RIMS2: variants seen among roughly 807,000 people sequenced by gnomAD.
The protein encoded by RIMS2 is regulating synaptic membrane exocytosis protein 2.
Under a neutral mutation model 174.4 loss-of-function variants are expected in RIMS2, and 59 were observed. The ratio of observed to expected loss-of-function variants is 0.34; its 90% CI spans 0.27 to 0.42. The LOEUF (loss-of-function observed/expected upper bound fraction) is 0.42. RIMS2 is among the 10% of genes least tolerant of loss of function. The pLI is 1.00. For missense variants in RIMS2, 1,620 were observed against 1,666.3 expected, an observed-to-expected ratio of 0.97 and a Z score of 0.48; for synonymous variants, 606 against 572.5, an observed-to-expected ratio of 1.06 and a Z score of -0.84.
intron 17 of RIMS2, among the ~76,000 whole-genome samples, chr8:103,993,915 G>A (rs1046833088): frequency 1.3e-5 from 2 of 151,778 alleles, no homozygotes; most frequent in Non-Finnish European, 2.9e-5. Flanking sequence ...GTGTGGTGGT[G>A]TGCACCTTTT....
intron 19 of RIMS2, among the ~76,000 whole-genome samples, chr8:104,073,587 G>A (rs2097233864): frequency 6.6e-6 from 1 of 152,136 alleles, no homozygotes; most frequent in African/African-American, 2.4e-5. Context: ...GAATTAAGAA[G>A]CAGTATAATC....
chr8:104,094,759 A>G, intron 19 of RIMS2: 1 of 637,936 alleles, frequency 1.6e-6, no homozygotes, highest in Non-Finnish European at 2.8e-6. Context: ...GGCATTTCCC[A>G]TTAGTAATGT....
chr8:103,941,977 C>T (rs1353223489), intron 13 of RIMS2, among the ~76,000 whole-genome samples: 1 of 152,096 alleles, frequency 6.6e-6, no homozygotes, highest in Admixed American at 6.6e-5. Context: ...ACAGTAGGCA[C>T]TTCAATTGTA....
At chr8:103,501,509 C>T in intron 1 of RIMS2, 1 of 153,290 alleles carries the variant, frequency 6.5e-6, no homozygotes, top group Non-Finnish European at 1.5e-5. Context: ...GCAGGGGATG[C>T]GGACGCCACC....
chr8:103,566,372 T>G (rs1234174596), intron 1 of RIMS2, among the ~76,000 whole-genome samples: 1 of 152,184 alleles, frequency 6.6e-6, no homozygotes, highest in Non-Finnish European at 1.5e-5. Flanking sequence ...GCTCTCTTTC[T>G]CAGTTGTTTC....
At chr8:104,136,353 T>C (rs1474508615) in intron 19 of RIMS2, among the ~76,000 whole-genome samples, 1 of 152,218 alleles carries the variant, frequency 6.6e-6, no homozygotes, top group Non-Finnish European at 1.5e-5. Context: ...GAATGTTTTC[T>C]AGGGATAATC....
At chr8:103,703,816 A>T (rs1261487299) in intron 2 of RIMS2, among the ~76,000 whole-genome samples, 2 of 151,980 alleles carry the variant, frequency 1.3e-5, no homozygotes, top group African/African-American at 4.8e-5. Context: ...GAGAAATGCT[A>T]CTGATTTTTG....
In RIMS2 at chr8:104,112,324, C is replaced by G. The variant is rs376120982; in HGVS notation, c.3334+97709C>G. The stretch of plus-strand genomic sequence containing the variant: ...TTTTAACAAATAATAATGTTGATAT[C>G]TCATTTGTAGGGTGCTTTTCTGGCT... On this transcript the variant is annotated intron_variant, in intron 19 of 23. Transcript: ENST00000504942. Among the ~76,000 whole-genome samples the G allele has an allele frequency of 1.4e-4, 22 of 152,070 alleles. No homozygotes were observed. The East Asian group carries it at 4.2e-3, about 29-fold the overall frequency.
chr8:103,923,730 A>T (rs1484811947), intron 10 of RIMS2, among the ~76,000 whole-genome samples: 1 of 151,798 alleles, frequency 6.6e-6, no homozygotes, highest in East Asian at 1.9e-4. Flanking sequence ...GTTCACACAT[A>T]TACCCATACC....
intron 4 of RIMS2, among the ~76,000 whole-genome samples, chr8:103,891,544 ATCT>A (rs1420862835): frequency 6.6e-6 from 1 of 152,000 alleles, no homozygotes; most frequent in African/African-American, 2.4e-5. Context: ...GCCCCATTTG[ATCT>A]TCTTTAAGTT....
At chr8:104,014,590 T>G in exon 19 of RIMS2, 2 of 1,611,922 alleles carry the variant, frequency 1.2e-6, no homozygotes, top group Non-Finnish European at 1.7e-6. Context: ...TTCCACAGCT[T>G]CCACCAAAGG....
intron 2 of RIMS2, among the ~76,000 whole-genome samples, chr8:103,712,560 G>A (rs2097319307): frequency 6.6e-6 from 1 of 152,052 alleles, no homozygotes; most frequent in African/African-American, 2.4e-5. Context: ...GATAAGGTGA[G>A]TACCAAGTTA....
chr8:103,650,919 C>A (rs535313095), intron 1 of RIMS2, among the ~76,000 whole-genome samples: 129 of 152,274 alleles, frequency 8.5e-4, no homozygotes, highest in Non-Finnish European at 7.3e-4. Context: ...GTAAGTGGGG[C>A]CCACAGAATG....
intron 2 of RIMS2, among the ~76,000 whole-genome samples, chr8:103,741,444 AATTATAT>A (rs1213705782): frequency 6.6e-6 from 1 of 152,118 alleles, no homozygotes; most frequent in Non-Finnish European, 1.5e-5. Flanking sequence ...AATTATTTTT[AATTATAT>A]ATCAGCTGAC....
intron 1 of RIMS2, among the ~76,000 whole-genome samples, chr8:103,627,118 C>T (rs956759080): frequency 1.3e-5 from 2 of 152,182 alleles, no homozygotes; most frequent in African/African-American, 2.4e-5. Context: ...ACTCCCAGAG[C>T]GGCCATCTAT....
intron 19 of RIMS2, among the ~76,000 whole-genome samples, chr8:104,191,046 G>C (rs1414358658): frequency 6.6e-6 from 1 of 151,946 alleles, no homozygotes; most frequent in Non-Finnish European, 1.5e-5. Context: ...AGAAGGGCCA[G>C]AGGAGGCAAA....
intron 3 of RIMS2, among the ~76,000 whole-genome samples, chr8:103,877,434 A>C (rs972951844): frequency 2.6e-5 from 4 of 151,794 alleles, no homozygotes; most frequent in African/African-American, 9.7e-5. Flanking sequence ...AGTTCCTTGT[A>C]GATTCTGGTT....
intron 2 of RIMS2, among the ~76,000 whole-genome samples, chr8:103,744,113 T>A (rs1367133164): frequency 6.6e-6 from 1 of 152,178 alleles, no homozygotes; most frequent in Non-Finnish European, 1.5e-5. Context: ...TGGCAGGATC[T>A]CAGCTAACTG....
rs1588067466 is a variant in RIMS2 at position 104,238,133 on chromosome 8, G to T, written c.3335-6783G>T. ...ACTATGCAGCCATAAAAAACAATGA[G>T]TTCATGTCCTTTGCAGGGACATGGA... On this transcript the variant is annotated intron_variant, in intron 19 of 23. Transcript: ENST00000504942. Among the ~76,000 whole-genome samples the T allele has an allele frequency of 2.0e-5, 3 of 152,116 alleles. No homozygotes were observed. In the East Asian group the frequency reaches 5.8e-4, roughly 29 times the overall value.
Sources: allele counts gnomAD v4.1 joint callset (sites outside exome capture counted in the v4.1 genomes callset), GRCh38; gene constraint gnomAD v4.1.1; transcripts MANE v1.5; gene names NCBI Gene and HGNC (gene_info 2026-07-23, HGNC 2026-07-21).